FHIP1B: variants seen among roughly 807,000 people sequenced by gnomAD.
FHIP1B encodes the protein FHF complex subunit HOOK interacting protein 1B, also known as FHF complex subunit HOOK-interacting protein 1B.
In FHIP1B, 28 loss-of-function variants were observed where a neutral mutation model predicts 82.2. The ratio of observed to expected loss-of-function variants is 0.34; its 90% confidence interval spans 0.25 to 0.47. The LOEUF is 0.47. Ranked by LOEUF, FHIP1B falls within the 20% of genes least tolerant of loss-of-function variation. The pLI is 1.00. For missense variants in FHIP1B, 1,110 were observed against 1,262.6 expected (o/e 0.88, Z 1.83); for synonymous variants, 585 against 516.1 (o/e 1.13, Z -1.81).
chr11:6,219,652 G>A (rs1207359568), intron 6 of FHIP1B, among the ~76,000 whole-genome samples: 13 of 152,198 alleles, frequency 8.5e-5, no homozygotes, highest in Non-Finnish European at 2.9e-5. Flanking sequence ...CAAGATTAGA[G>A]GAAATCTTTT....
At chr11:6,214,334 T>C (rs1002748930) in intron 11 of FHIP1B, 77 bp downstream of exon 11, 2 of 1,483,428 alleles carry the variant, frequency 1.3e-6, no homozygotes, top group African/African-American at 2.8e-5. Flanking sequence ...CATTTCACTC[T>C]TAATAAGAGC....
chr11:6,231,256 T>C (rs937398543), intron 1 of FHIP1B, among the ~76,000 whole-genome samples: 1 of 152,014 alleles, frequency 6.6e-6, no homozygotes, highest in African/African-American at 2.4e-5. Context: ...GAGCAGAAAG[T>C]ATGAAAGATG....
At chr11:6,231,214 T>C (rs1460559083) in intron 1 of FHIP1B, among the ~76,000 whole-genome samples, 1 of 152,192 alleles carries the variant, frequency 6.6e-6, no homozygotes, top group East Asian at 1.9e-4. Flanking sequence ...TGTATTAAGA[T>C]TCTAGCAAAT....
intron 6 of FHIP1B, among the ~76,000 whole-genome samples, chr11:6,220,411 A>G (rs1165510769): frequency 6.6e-6 from 1 of 152,224 alleles, no homozygotes; most frequent in East Asian, 1.9e-4. Context: ...CAGGTCATAC[A>G]TATGACCTAC....
In FHIP1B at chr11:6,217,843, G is replaced by A. The variant is rs1321933294; in HGVS notation, c.1743C>T (p.Pro581=). 6.2e-7 allele frequency: 1 copy of A among 1,613,762 alleles called. No individual in the cohort carries two copies. Among genetic ancestry groups the A allele is most frequent in the Non-Finnish European group, 8.5e-7 (1 of 1,180,010 alleles). The change falls in exon 9 of 12, where the codon CCC becomes CCT. Residue 581 remains proline (P), a synonymous_variant. Coordinates refer to ENST00000449352, the MANE Select transcript of FHIP1B (RefSeq NM_001098794.2). ...TWSAPYDGER[P]SPEPSPFGSR... ...AGCCAAAAGGACTGGGCTCAGGAGA[G>A]GGCCGCTCGCCATCATAGGGGGCAG...
At chr11:6,222,783 T>C in intron 5 of FHIP1B, 28 bp downstream of exon 5, 1 of 1,610,638 alleles carries the variant, frequency 6.2e-7, no homozygotes, top group Non-Finnish European at 8.5e-7. Flanking sequence ...CTTAGCCCCT[T>C]ATATGCCTTG....
chr11:6,218,382 G>A (rs1380134362), intron 8 of FHIP1B, among the ~76,000 whole-genome samples: 1 of 152,146 alleles, frequency 6.6e-6, no homozygotes, highest in Non-Finnish European at 1.5e-5. Context: ...CTAGAGAGAA[G>A]AACAAGAATA....
intron 1 of FHIP1B, among the ~76,000 whole-genome samples, chr11:6,230,757 G>T (rs1020607683): frequency 1.3e-5 from 2 of 152,206 alleles, no homozygotes; most frequent in African/African-American, 4.8e-5. Flanking sequence ...AGGTGAAACT[G>T]AACTAGATCC....
intron 1 of FHIP1B, among the ~76,000 whole-genome samples, chr11:6,229,997 G>C (rs943430612): frequency 1.4e-5 from 2 of 144,444 alleles, no homozygotes; most frequent in South Asian, 4.3e-4. Flanking sequence ...AAAAAAAGCA[G>C]AACCTGCCAC....
chr11:6,214,259 T>C, intron 11 of FHIP1B, 152 bp downstream of exon 11: 2 of 941,086 alleles, frequency 2.1e-6, no homozygotes, highest in Admixed American at 5.1e-5. Flanking sequence ...TTCTGTCCCC[T>C]GACCAGAAGC....
At chr11:6,228,518 T>A (rs929113058) in intron 1 of FHIP1B, among the ~76,000 whole-genome samples, 28 of 152,238 alleles carry the variant, frequency 1.8e-4, no homozygotes, top group African/African-American at 5.8e-4. Flanking sequence ...ATAAATGGCA[T>A]TAAAATCGGG....
chr11:6,231,739 G>A (rs1847705761), intron 1 of FHIP1B, among the ~76,000 whole-genome samples: 1 of 152,122 alleles, frequency 6.6e-6, no homozygotes, highest in Non-Finnish European at 1.5e-5. Flanking sequence ...TCAAACTCCT[G>A]AAGTCAAGCG....
intron 6 of FHIP1B, among the ~76,000 whole-genome samples, chr11:6,219,846 CA>C (rs1231301229): frequency 1.7e-4 from 26 of 152,316 alleles, no homozygotes; most frequent in African/African-American, 6.3e-4. Flanking sequence ...ACTACCTGAA[CA>C]GTTTAGGCAT....
chr11:6,223,172 C>T lies in FHIP1B; in HGVS notation c.844G>A (p.Asp282Asn), dbSNP rs1847464245. 1 of 1,609,326 alleles carries T rather than the reference C, an allele frequency of 6.2e-7. No individual in the cohort carries two copies. Reference sequence around the variant, plus strand: ...TCTTCCCGTCGCAGACAGTGCCAATCATCCCCTGGAACCTCAATCTTTCGA... The same window carrying T: ...TCTTCCCGTCGCAGACAGTGCCAATTATCCCCTGGAACCTCAATCTTTCGA... ...LPRKIEVPGD[D>N]WHCLRREDWL... Residue 282 changes from aspartate to asparagine, a missense_variant, in exon 4 of 12, where the codon GAT becomes AAT. Physicochemically the swap from Asp to Asn is conservative, Grantham distance 23. Transcript: ENST00000449352. This position sits in a 1 kb window ranked among gnomAD's most constrained non-coding sequence, Gnocchi z 4.8.
intron 10 of FHIP1B, 77 bp downstream of exon 10, chr11:6,214,656 C>T: frequency 6.5e-7 from 1 of 1,549,418 alleles, no homozygotes; most frequent in Non-Finnish European, 8.7e-7. Flanking sequence ...TGTTCCCAGC[C>T]CACCCAGGGT....
chr11:6,224,271 G>A (rs1217234203), intron 2 of FHIP1B, 23 bp from the exon 3 acceptor site: 2 of 1,612,878 alleles, frequency 1.2e-6, no homozygotes, highest in Non-Finnish European at 1.7e-6. Context: ...GACAGAAGAT[G>A]GAAGGAATCT....
chr11:6,228,201 T>A (rs935454903), intron 1 of FHIP1B, among the ~76,000 whole-genome samples: 11 of 151,988 alleles, frequency 7.2e-5, no homozygotes. Flanking sequence ...AAATACAAAA[T>A]TAGCTGGGTG....
chr11:6,215,860 C>T (rs574318524), intron 9 of FHIP1B, among the ~76,000 whole-genome samples: 1 of 152,200 alleles, frequency 6.6e-6, no homozygotes, highest in African/African-American at 2.4e-5. Flanking sequence ...TGCATTGAGA[C>T]AGGAGAATGA....
intron 1 of FHIP1B, among the ~76,000 whole-genome samples, chr11:6,227,719 G>A (rs1847598743): frequency 6.6e-6 from 1 of 150,824 alleles, no homozygotes; most frequent in Admixed American, 6.6e-5. Flanking sequence ...TATCCAAGGA[G>A]AACAGCAGAT....
Sources: allele counts gnomAD v4.1 joint callset (sites outside exome capture counted in the v4.1 genomes callset), GRCh38; gene constraint gnomAD v4.1.1; non-coding constraint Gnocchi (gnomAD v3.1); transcripts MANE v1.5; gene names NCBI Gene and HGNC (gene_info 2026-07-23, HGNC 2026-07-21).